The following STAT4 variants were observed in gnomAD, a reference collection of about 807,000 sequenced individuals.
STAT4 encodes the protein signal transducer and activator of transcription 4.
A neutral mutation model predicts 110.5 loss-of-function variants in STAT4; 42 were observed. The observed-to-expected ratio is 0.38, with a 90% confidence interval of 0.30 to 0.49. STAT4 has a LOEUF of 0.49. Among genes scored for constraint, STAT4 ranks in the 20% least tolerant of loss-of-function variants. STAT4 has a pLI of 0.95. For synonymous variants in STAT4, 284 were observed against 302.2 expected (o/e 0.94, Z 0.63); for missense variants, 632 against 887.9 (o/e 0.71, Z 3.66).
intron 3 of STAT4, among the ~76,000 whole-genome samples, chr2:191,096,974 T>C (rs965825834): frequency 9.9e-5 from 15 of 152,026 alleles, no homozygotes; most frequent in Admixed American, 9.2e-4. Flanking sequence ...TATACACCAA[T>C]AACAGACAAA....
At chr2:191,129,729 C>T (rs944742750) in intron 3 of STAT4, among the ~76,000 whole-genome samples, 15 of 152,208 alleles carry the variant, frequency 9.9e-5, no homozygotes, top group Admixed American at 4.6e-4. Context: ...TCAAACTCCT[C>T]AGTGGCTTCC....
At chr2:191,041,902 C>T (rs541390636) in intron 14 of STAT4, among the ~76,000 whole-genome samples, 1 of 152,296 alleles carries the variant, frequency 6.6e-6, no homozygotes, top group East Asian at 1.9e-4. Flanking sequence ...ATTACAGAGG[C>T]TCTCTACATT....
chr2:191,125,925 C>T (rs1698869561), intron 3 of STAT4, among the ~76,000 whole-genome samples: 4 of 152,142 alleles, frequency 2.6e-5, no homozygotes, highest in Admixed American at 2.6e-4. Context: ...CAACATCCTC[C>T]CTGAGTCATG....
At position 191,053,974 on chromosome 2, in the gene STAT4, A is replaced by G. The variant is rs1696601222; in HGVS notation, c.1251+516T>C. Among the ~76,000 whole-genome samples, 1 of 152,148 alleles carries G rather than the reference A, an allele frequency of 6.6e-6. No homozygotes were observed. The highest frequency in any genetic ancestry group is 2.4e-5 in the African/African-American group (1 of 41,430). On this transcript the variant is annotated intron_variant, in intron 14 of 23. Transcript: ENST00000392320. The surrounding 1 kb of genome is among the most constrained non-coding windows in gnomAD (Gnocchi z 4.5). ...GGGACTCTGTCTCTACGAAAAATAC[A>G]AAAACTAGCCAGGTATGGTGGCACA...
chr2:191,114,514 G>A (rs577615948), intron 3 of STAT4, among the ~76,000 whole-genome samples: 4 of 152,198 alleles, frequency 2.6e-5, no homozygotes, highest in Non-Finnish European at 4.4e-5. Flanking sequence ...CACCTCCTCC[G>A]TTAAGTTTAA....
Position 191,150,866 on chromosome 2 carries a change from A to T in STAT4, c.-2+81T>A. 1 of 969,688 alleles carries T rather than the reference A, an allele frequency of 1.0e-6. No homozygotes were observed. 60.1% of individuals were successfully genotyped at this position (969,688 alleles called of 1,614,324 possible). On this transcript the variant is annotated intron_variant, in intron 1 of 23. Coordinates refer to ENST00000392320, the MANE Select transcript of STAT4 (RefSeq NM_003151.4). The surrounding 1 kb of genome is among the most constrained non-coding windows in gnomAD (Gnocchi z 6.4). ...AAGCAATTGTCAAAACGCCAAGGGA[A>T]AGCAAAGCTTCAGAGTATCCTGCAT...
In STAT4 at chr2:191,083,620, T is replaced by C. The variant is rs1697548747; in HGVS notation, c.274-7295A>G. On this transcript the variant is annotated intron_variant, in intron 3 of 23. Coordinates refer to ENST00000392320, the MANE Select transcript of STAT4 (RefSeq NM_003151.4). The surrounding 1 kb of genome is among the most constrained non-coding windows in gnomAD (Gnocchi z 4.6). Reference sequence around the variant, plus strand: ...CTGGGATATGAAGCATTTGTCTCCATTTACAGAGTAAAATATTTTCATTCA... The same window carrying C: ...CTGGGATATGAAGCATTTGTCTCCACTTACAGAGTAAAATATTTTCATTCA... Among the ~76,000 whole-genome samples, 1 of 152,214 alleles carries C rather than the reference T, an allele frequency of 6.6e-6. No individual in the cohort carries two copies. The highest frequency in any genetic ancestry group is 6.5e-5 in the Admixed American group (1 of 15,278).
In STAT4 at chr2:191,077,673, C is replaced by T. The variant is rs1440737418; in HGVS notation, c.274-1348G>A. Among the ~76,000 whole-genome samples the T allele has an allele frequency of 1.3e-5, 2 of 152,020 alleles. No individual in the cohort carries two copies. Among genetic ancestry groups the T allele is most frequent in the East Asian group, 3.9e-4 (2 of 5,190 alleles). ...AACTTTTTTGACTTTGACTTTGCTG[C>T]CACAATTTTATTAAATGATGTCTGT... On this transcript the variant is annotated intron_variant, in intron 3 of 23. Coordinates refer to ENST00000392320, the MANE Select transcript of STAT4 (RefSeq NM_003151.4). The surrounding 1 kb of genome is among the most constrained non-coding windows in gnomAD (Gnocchi z 4.1).
rs1699454971 is a variant in STAT4, at chr2:191,146,197, A to C, written c.273+416T>G. Among the ~76,000 whole-genome samples, 1 of 152,212 alleles carries C rather than the reference A, an allele frequency of 6.6e-6. No homozygotes were observed. The highest frequency in any genetic ancestry group is 1.5e-5 in the Non-Finnish European group (1 of 68,028). On this transcript the variant is annotated intron_variant, in intron 3 of 23. Transcript: ENST00000392320. This position sits in a 1 kb window ranked among gnomAD's most constrained non-coding sequence, Gnocchi z 4.5. ...ACTTTTAAAGGAGTGTGAGATCTGA[A>C]CCAAATCTGTAAGAATACATTCACT...
chr2:191,097,176 G>A (rs190008255), intron 3 of STAT4, among the ~76,000 whole-genome samples: 66 of 152,230 alleles, frequency 4.3e-4, no homozygotes, highest in African/African-American at 1.5e-3. Flanking sequence ...AATCAATATC[G>A]TGAAAATGGC....
rs767287315 is a variant in STAT4, at chr2:191,035,692, A to G, written c.1570+472T>C. On this transcript the variant is annotated intron_variant, in intron 17 of 23. Transcript: ENST00000392320. This position sits in a 1 kb window ranked among gnomAD's most constrained non-coding sequence, Gnocchi z 4.7. Reference sequence around the variant, plus strand: ...ATTGCCCAGGTAGTTTAAAACTTCTATTACATTTCCTAGACCTAGTGAAGA... The same window carrying G: ...ATTGCCCAGGTAGTTTAAAACTTCTGTTACATTTCCTAGACCTAGTGAAGA... 3.3e-5 allele frequency among the ~76,000 whole-genome samples: 5 copies of G among 152,244 alleles called. No individual in the cohort carries two copies. The highest frequency in any genetic ancestry group is 7.3e-5 in the Non-Finnish European group (5 of 68,038).
chr2:191,125,394 C>T (rs1382806740), intron 3 of STAT4, among the ~76,000 whole-genome samples: 1 of 151,788 alleles, frequency 6.6e-6, no homozygotes, highest in African/African-American at 2.4e-5. Flanking sequence ...ATGTTCTTGA[C>T]AGAAGTAGCC....
chr2:191,151,255 G>A (rs547879398), upstream of STAT4: 1 of 985,548 alleles, frequency 1.0e-6, no homozygotes, highest in Middle Eastern at 5.2e-4. The surrounding 1 kb of genome is among the most constrained non-coding windows in gnomAD (Gnocchi z 4.7). Flanking sequence ...GCAGTGCCAG[G>A]AAAAAGGGGA....
chr2:191,106,291 C>T (rs962891550), intron 3 of STAT4, among the ~76,000 whole-genome samples: 12 of 151,484 alleles, frequency 7.9e-5, no homozygotes, highest in African/African-American at 2.9e-4. Context: ...TGGAAGTTTT[C>T]GAACTTGGCA....
At chr2:191,133,365 G>A (rs1381353947) in intron 3 of STAT4, among the ~76,000 whole-genome samples, 1 of 149,904 alleles carries the variant, frequency 6.7e-6, no homozygotes, top group African/African-American at 2.5e-5. Context: ...CTAATGGCAA[G>A]AAAAAGGCAA....
intron 3 of STAT4, among the ~76,000 whole-genome samples, chr2:191,115,315 A>G (rs1407154048): frequency 6.6e-6 from 1 of 152,202 alleles, no homozygotes. Context: ...TGTCTGCTTC[A>G]TTGGTGATGA....
chr2:191,149,363 T>C (rs1444128022), intron 1 of STAT4, among the ~76,000 whole-genome samples: 2 of 152,198 alleles, frequency 1.3e-5, no homozygotes, highest in Non-Finnish European at 2.9e-5. Flanking sequence ...TAAAAAAACG[T>C]GTTGCCAATG....
chr2:191,049,474 C>T (rs989450094), intron 14 of STAT4, among the ~76,000 whole-genome samples: 1 of 152,150 alleles, frequency 6.6e-6, no homozygotes, highest in South Asian at 2.1e-4. Context: ...CCATGCCTGG[C>T]CAACAAATGG....
In STAT4 at chr2:191,034,562, C is replaced by T. The variant is rs761904937; in HGVS notation, c.1606G>A (p.Ala536Thr). Residue 536 changes from alanine (A) to threonine (T), a missense_variant, in exon 18 of 24, where the codon GCC (alanine) becomes ACC (threonine). By Grantham distance (58) the Ala-to-Thr change is moderately conservative. Around this residue, in one of 4 missense-constraint regions of STAT4, gnomAD observed 488 missense variants for 632.8 expected, o/e 0.77. Transcript: ENST00000392320. ...ACCGTTTGTACCTTGCAGAACTTGG[C>T]CCAGGTGAGGTGACCATCACTGTAG... ...SSYSDGHLTW[A>T]KFCKEHLPGK... 1.9e-6 allele frequency: 3 copies of T among 1,613,524 alleles called. No homozygotes were observed. Among genetic ancestry groups the T allele is most frequent in the East Asian group, 2.2e-5 (1 of 44,874 alleles).
Sources: gnomAD v4.1 joint callset for allele counts (sites outside exome capture counted in the v4.1 genomes callset) on GRCh38, gnomAD v4.1.1 for gene constraint, gnomAD v4.1.1 regional missense constraint, Gnocchi (gnomAD v3.1) non-coding constraint, MANE v1.5 for transcripts, NCBI Gene and HGNC (gene_info 2026-07-23, HGNC 2026-07-21) for gene names.